Variants in TBC1D22A observed in about 807,000 individuals in gnomAD.
TBC1D22A encodes TBC1 domain family member 22A, also known as putative GTPase activator.
Under a neutral mutation model 60.2 loss-of-function variants are expected in TBC1D22A, and 38 were observed. That is an observed-to-expected ratio of 0.63 (90% CI 0.49 to 0.83). The LOEUF is 0.83. Ranked by LOEUF, TBC1D22A falls within the 40% of genes least tolerant of loss-of-function variation. The pLI is 0.00. For synonymous variants in TBC1D22A, 302 were observed against 281.7 expected, an observed-to-expected ratio of 1.07 and a Z score of -0.72; for missense variants, 628 against 701.0, an observed-to-expected ratio of 0.90 and a Z score of 1.18.
intron 10 of TBC1D22A, among the ~76,000 whole-genome samples, chr22:47,024,875 A>C (rs2062204987): frequency 1.3e-5 from 2 of 152,192 alleles, no homozygotes; most frequent in Admixed American, 1.3e-4. Context: ...AAAAGAGAAA[A>C]GCCCACAAAT....
chr22:46,975,864 T>C (rs74403908), intron 9 of TBC1D22A, among the ~76,000 whole-genome samples: 4,941 of 152,336 alleles, frequency 0.032, 301 homozygotes, highest in African/African-American at 0.11. Flanking sequence ...TAGAAGCCTG[T>C]TGTGCGGTTG....
At position 46,769,984 on chromosome 22, in the gene TBC1D22A, C is replaced by T. The variant is rs926933958; in HGVS notation, c.62+7136C>T. Among the ~76,000 whole-genome samples the T allele has an allele frequency of 3.9e-5, 6 of 152,210 alleles. 1 individual carries two copies. Among genetic ancestry groups the T allele is most frequent in the Admixed American group, 1.3e-4 (2 of 15,284 alleles). On this transcript the variant is annotated intron_variant, in intron 1 of 12. Coordinates refer to ENST00000337137, the MANE Select transcript of TBC1D22A (RefSeq NM_014346.5). ...GTGTGGTAGGCAGAATACTGGCCCC[C>T]TAAAGGTGTCCTCATCCTCATCCCT...
intron 4 of TBC1D22A, among the ~76,000 whole-genome samples, chr22:46,845,787 T>C (rs1482004682): frequency 6.6e-6 from 1 of 152,246 alleles, no homozygotes; most frequent in Non-Finnish European, 1.5e-5. Flanking sequence ...TAGGCTCTTT[T>C]ATTTGAAAGT....
At chr22:47,101,412 C>G (rs1488464979) in intron 11 of TBC1D22A, among the ~76,000 whole-genome samples, 1 of 152,216 alleles carries the variant, frequency 6.6e-6, no homozygotes, top group East Asian at 1.9e-4. Context: ...CTGCCCTGGT[C>G]GGGCTAGGTA....
intron 11 of TBC1D22A, among the ~76,000 whole-genome samples, chr22:47,046,823 C>T (rs928641758): frequency 6.6e-6 from 1 of 152,190 alleles, no homozygotes; most frequent in African/African-American, 2.4e-5. Flanking sequence ...TGGATCCCCC[C>T]AGATGCCAGA....
chr22:46,792,651 T>G (rs1339740672), intron 2 of TBC1D22A, 75 bp downstream of exon 2: 3 of 1,613,274 alleles, frequency 1.9e-6, no homozygotes, highest in Non-Finnish European at 2.5e-6. Flanking sequence ...GTCTTCCTGC[T>G]TCCTTCCTGC....
intron 7 of TBC1D22A, among the ~76,000 whole-genome samples, chr22:46,908,316 C>G (rs914124042): frequency 2.0e-5 from 3 of 152,096 alleles, no homozygotes; most frequent in African/African-American, 7.2e-5. Flanking sequence ...CGCAGGTCTC[C>G]CTGGGATTCT....
At chr22:47,118,421 T>A (rs1328333195) in intron 12 of TBC1D22A, among the ~76,000 whole-genome samples, 18 of 152,142 alleles carry the variant, frequency 1.2e-4, no homozygotes, top group Non-Finnish European at 7.4e-5. Flanking sequence ...ATAATGTGGG[T>A]CACAGTGGAA....
At chr22:47,100,989 T>G (rs1336660036) in intron 11 of TBC1D22A, among the ~76,000 whole-genome samples, 1 of 152,126 alleles carries the variant, frequency 6.6e-6, no homozygotes, top group African/African-American at 2.4e-5. Flanking sequence ...AGAACCATAT[T>G]TCTCTTCCAT....
chr22:47,159,530 GCA>G (rs779791754), intron 12 of TBC1D22A, among the ~76,000 whole-genome samples: 5 of 149,780 alleles, frequency 3.3e-5, no homozygotes, highest in African/African-American at 7.4e-5. Flanking sequence ...TTTACACACA[GCA>G]CACACACGAT....
rs149141556 is a variant in TBC1D22A, at chr22:46,821,035, C to T, written c.637+23415C>T. On this transcript the variant is annotated intron_variant, in intron 4 of 12. Transcript: ENST00000337137. ...GGTTTAAAGTCTGTTTTATCAGAGA[C>T]GAGGATTGCAACCCCTGCTTTTTTT... Among the ~76,000 whole-genome samples the T allele has an allele frequency of 7.2e-3, 1,067 of 147,598 alleles. 13 individuals carry two copies. The highest frequency in any genetic ancestry group is 0.025 in the African/African-American group (998 of 40,210).
chr22:46,875,095 T>C (rs2067489584), intron 4 of TBC1D22A, among the ~76,000 whole-genome samples: 1 of 152,162 alleles, frequency 6.6e-6, no homozygotes, highest in Non-Finnish European at 1.5e-5. Flanking sequence ...ACCCACAAAA[T>C]GTATATCCAC....
chr22:46,845,201 A>C (rs1342851791), intron 4 of TBC1D22A, among the ~76,000 whole-genome samples: 3 of 152,214 alleles, frequency 2.0e-5, no homozygotes, highest in Non-Finnish European at 4.4e-5. Context: ...TTTTAGGATA[A>C]ATACCCAACT....
intron 8 of TBC1D22A, among the ~76,000 whole-genome samples, chr22:46,918,726 A>G (rs528723808): frequency 2.3e-3 from 350 of 152,354 alleles, no homozygotes; most frequent in Non-Finnish European, 3.5e-3. Flanking sequence ...AAACTGTCAC[A>G]TCAGCTCCCT....
intron 11 of TBC1D22A, among the ~76,000 whole-genome samples, chr22:47,107,167 T>A (rs2065666325): frequency 6.6e-6 from 1 of 152,192 alleles, no homozygotes; most frequent in Admixed American, 6.5e-5. Context: ...ATAGAAACAA[T>A]TCATTAACTT....
chr22:47,051,677 G>T (rs2063221756), intron 11 of TBC1D22A, among the ~76,000 whole-genome samples: 1 of 152,186 alleles, frequency 6.6e-6, no homozygotes, highest in South Asian at 2.1e-4. Context: ...GGAGCAGTGA[G>T]CCCTGGCCGC....
chr22:47,014,418 G>A (rs965328470), intron 10 of TBC1D22A, among the ~76,000 whole-genome samples: 3 of 152,150 alleles, frequency 2.0e-5, no homozygotes, highest in African/African-American at 7.2e-5. Flanking sequence ...TAGACCCAGG[G>A]CCCCATCAGT....
At chr22:47,031,627 G>A (rs919417298) in intron 10 of TBC1D22A, among the ~76,000 whole-genome samples, 1 of 151,870 alleles carries the variant, frequency 6.6e-6, no homozygotes, top group Non-Finnish European at 1.5e-5. Context: ...GGTGGTGTGG[G>A]GTCGTTTCAA....
intron 7 of TBC1D22A, among the ~76,000 whole-genome samples, chr22:46,907,488 C>T (rs2069572847): frequency 6.6e-6 from 1 of 152,206 alleles, no homozygotes; most frequent in Non-Finnish European, 1.5e-5. Flanking sequence ...CACAGACCCC[C>T]AGAATGAGCC....
Sources: allele counts gnomAD v4.1 joint callset (sites outside exome capture counted in the v4.1 genomes callset), GRCh38; gene constraint gnomAD v4.1.1; transcripts MANE v1.5; gene names NCBI Gene and HGNC (gene_info 2026-07-23, HGNC 2026-07-21).